TBL1X: variants seen among roughly 807,000 people sequenced by gnomAD.
TBL1X encodes the protein F-box-like/WD repeat-containing protein TBL1X.
Under a neutral mutation model 50.7 loss-of-function variants are expected in TBL1X, and 10 were observed. The ratio of observed to expected loss-of-function variants is 0.20; its 90% CI spans 0.12 to 0.33. TBL1X has a LOEUF of 0.33. TBL1X is among the 10% of genes least tolerant of loss of function. The probability of loss-of-function intolerance (pLI) is 1.00; values close to 1 mark genes in which losing one functional copy is unlikely to be tolerated. For synonymous variants in TBL1X, 190 were observed against 214.7 expected, an observed-to-expected ratio of 0.88 and a Z score of 1.01; for missense variants, 340 against 504.4, an observed-to-expected ratio of 0.67 and a Z score of 3.12.
chrX:9,625,868 G>C (rs768997478), intron 2 of TBL1X, among the ~76,000 whole-genome samples: 1 of 112,316 alleles, frequency 8.9e-6, no homozygotes. Flanking sequence ...GAACCCGGCG[G>C]GGGGGCGGAG....
At chrX:9,704,492 A>G (rs2083194724) in intron 12 of TBL1X, among the ~76,000 whole-genome samples, 1 of 111,686 alleles carries the variant, frequency 9.0e-6, no homozygotes, top group African/African-American at 3.3e-5. Context: ...CCTCTCTCCC[A>G]GGACATCTTG....
rs775879140 is a variant in TBL1X, at chrX:9,477,574, C to T, written c.-201+12127C>T. Among the ~76,000 whole-genome samples the T allele has an allele frequency of 6.2e-5, 7 of 112,033 alleles. No individual in the cohort carries two copies. In the South Asian group the frequency reaches 2.6e-3, roughly 42 times the overall value. ...ATTTGGCTTTGCCATAAATGTTTGC[C>T]CTTGGCTTGCCAAGACGTCAGCTTT... On this transcript the variant is annotated intron_variant, in intron 1 of 17. Coordinates refer to ENST00000645353, the MANE Select transcript of TBL1X (RefSeq NM_005647.4).
chrX:9,667,783 TC>T (rs1336265804), intron 5 of TBL1X, among the ~76,000 whole-genome samples: 1 of 112,044 alleles, frequency 8.9e-6, no homozygotes, highest in Non-Finnish European at 1.9e-5. Context: ...AAGCTGAGGC[TC>T]CTATCAAAGT....
At chrX:9,550,974 C>T (rs2082268086) in intron 2 of TBL1X, among the ~76,000 whole-genome samples, 3 of 111,408 alleles carry the variant, frequency 2.7e-5, no homozygotes, top group Admixed American at 1.9e-4. Context: ...CCCCCCCAAC[C>T]AAGAATGATT....
At chrX:9,631,705 G>A (rs2082722577) in intron 2 of TBL1X, among the ~76,000 whole-genome samples, 1 of 112,644 alleles carries the variant, frequency 8.9e-6, no homozygotes, top group Non-Finnish European at 1.9e-5. Context: ...ATAATACGTT[G>A]TTATTAATTT....
intron 12 of TBL1X, among the ~76,000 whole-genome samples, chrX:9,702,715 G>A (rs1032503056): frequency 5.4e-5 from 6 of 111,675 alleles, no homozygotes; most frequent in Admixed American, 4.8e-4. Flanking sequence ...TCCCCTAGAA[G>A]CAATGCTTCA....
chrX:9,466,346 A>G (rs2081774566), intron 1 of TBL1X, among the ~76,000 whole-genome samples: 1 of 112,046 alleles, frequency 8.9e-6, no homozygotes, highest in Admixed American at 9.4e-5. Flanking sequence ...CTGCGCTGGG[A>G]TAGGGCCTGG....
intron 5 of TBL1X, among the ~76,000 whole-genome samples, chrX:9,659,744 A>G (rs577287350): frequency 3.1e-4 from 35 of 112,237 alleles, no homozygotes; most frequent in African/African-American, 1.1e-3. Flanking sequence ...CTGGTTTTAT[A>G]GACGTGAGTT....
chrX:9,536,973 C>G, intron 2 of TBL1X, among the ~76,000 whole-genome samples: 2 of 112,003 alleles, frequency 1.8e-5, no homozygotes, highest in Non-Finnish European at 3.8e-5. Flanking sequence ...ATTTCCAGGC[C>G]GTTAAGTTAC....
chrX:9,691,811 C>A, intron 8 of TBL1X, 100 bp downstream of exon 8: 1 of 1,066,424 alleles, frequency 9.4e-7, no homozygotes. Context: ...CACACACTCC[C>A]CTTCTTACCC....
intron 2 of TBL1X, among the ~76,000 whole-genome samples, chrX:9,612,111 C>T (rs905412236): frequency 8.9e-5 from 10 of 112,915 alleles, no homozygotes; most frequent in Admixed American, 9.3e-5. Flanking sequence ...ACTTCAAACA[C>T]AGAAAATCGC....
At chrX:9,628,846 C>T (rs2082706233) in intron 2 of TBL1X, among the ~76,000 whole-genome samples, 1 of 112,331 alleles carries the variant, frequency 8.9e-6, no homozygotes, top group Admixed American at 9.4e-5. Context: ...CTGCGCCTGG[C>T]AGACTTGGAT....
At chrX:9,640,703 T>C (rs2082771428) in intron 3 of TBL1X, among the ~76,000 whole-genome samples, 1 of 111,482 alleles carries the variant, frequency 9.0e-6, no homozygotes, top group Non-Finnish European at 1.9e-5. Context: ...CAATCTCGGC[T>C]CACTGCAACC....
chrX:9,655,534 C>T lies in TBL1X; in HGVS notation c.211+1212C>T, dbSNP rs147447563. 1.7e-4 allele frequency among the ~76,000 whole-genome samples: 19 copies of T among 111,920 alleles called. No homozygotes were observed. In the East Asian group the frequency reaches 4.2e-3, roughly 25 times the overall value. On this transcript the variant is annotated intron_variant, in intron 5 of 17. Coordinates refer to ENST00000645353, the MANE Select transcript of TBL1X (RefSeq NM_005647.4). Reference sequence around the variant, plus strand: ...CTAAATAGTGTCACATTCTGAGGTGCGCTGTTGGTGAACACTGCAACCTGT... The same window carrying T: ...CTAAATAGTGTCACATTCTGAGGTGTGCTGTTGGTGAACACTGCAACCTGT...
rs758111082 is a variant in TBL1X at position 9,672,053 on chromosome X, C to A, written c.212-11990C>A. ...GAGAAAAAGCAATTAGAATGAAAAT[C>A]AGTTGAGTATTTATAAATTACAGTT... is the stretch of plus-strand genomic sequence containing the variant. On this transcript the variant is annotated intron_variant, in intron 5 of 17. Transcript: ENST00000645353. 4.4e-5 allele frequency among the ~76,000 whole-genome samples: 5 copies of A among 112,499 alleles called. No individual in the cohort carries two copies. The South Asian group carries it at 1.8e-3, about 41-fold the overall frequency.
At chrX:9,497,773 C>CCT (rs1255795207) in intron 1 of TBL1X, among the ~76,000 whole-genome samples, 1 of 76,340 alleles carries the variant, frequency 1.3e-5, no homozygotes, top group African/African-American at 5.6e-5. Flanking sequence ...TCCCTCCCTC[C>CCT]CTCTCTCTCT....
intron 5 of TBL1X, among the ~76,000 whole-genome samples, chrX:9,659,501 C>T (rs1331878439): frequency 8.9e-6 from 1 of 112,921 alleles, no homozygotes; most frequent in African/African-American, 3.2e-5. Flanking sequence ...TTTGTTTATG[C>T]ATCCTCTTGT....
intron 1 of TBL1X, among the ~76,000 whole-genome samples, chrX:9,485,309 G>C (rs2081905563): frequency 1.8e-5 from 2 of 112,412 alleles, no homozygotes; most frequent in East Asian, 5.6e-4. Flanking sequence ...TCGTTTGTTA[G>C]TTGTTCCAGG....
intron 2 of TBL1X, among the ~76,000 whole-genome samples, chrX:9,598,744 C>T (rs2082538363): frequency 9.0e-6 from 1 of 111,221 alleles, no homozygotes; most frequent in African/African-American, 3.3e-5. Context: ...CAGCAGGGCT[C>T]TTCCTCCTGA....
Sources: allele counts gnomAD v4.1 joint callset (sites outside exome capture counted in the v4.1 genomes callset), GRCh38; gene constraint gnomAD v4.1.1; transcripts MANE v1.5; gene names NCBI Gene and HGNC (gene_info 2026-07-23, HGNC 2026-07-21).